The following CACNA1B variants were observed in gnomAD, a reference collection of about 807,000 sequenced individuals.
CACNA1B encodes voltage-dependent N-type calcium channel subunit alpha-1B.
CACNA1B carries 70 observed loss-of-function variants against 247.2 expected under a neutral mutation model. The observed-to-expected ratio is 0.28, with a 90% CI of 0.23 to 0.35. The LOEUF (loss-of-function observed/expected upper bound fraction) is 0.35. Ranked by LOEUF, CACNA1B falls within the 10% of genes least tolerant of loss-of-function variation. The pLI is 1.00. For synonymous variants in CACNA1B, 1,231 were observed against 1,294.4 expected, an observed-to-expected ratio of 0.95 and a Z score of 1.05; for missense variants, 2,367 against 3,197.4, an observed-to-expected ratio of 0.74 and a Z score of 6.26.
chr9:138,049,783 T>C (rs1260341281), intron 24 of CACNA1B, among the ~76,000 whole-genome samples: 1 of 152,038 alleles, frequency 6.6e-6, no homozygotes, highest in Non-Finnish European at 1.5e-5. Flanking sequence ...CCTTCCCCTT[T>C]TGGGGCATTA....
chr9:138,040,192 G>A (rs1959099952), intron 20 of CACNA1B, among the ~76,000 whole-genome samples: 1 of 152,058 alleles, frequency 6.6e-6, no homozygotes, highest in East Asian at 1.9e-4. Flanking sequence ...ACCTGCCTTG[G>A]CCTCCAAAGT....
In CACNA1B at chr9:137,983,281, C is replaced by T. The variant is rs76555764; in HGVS notation, c.1657-857C>T. Among the ~76,000 whole-genome samples, 601 of 152,266 alleles carry T rather than the reference C, an allele frequency of 3.9e-3. 2 individuals are homozygous for T. The highest frequency in any genetic ancestry group is 0.014 in the African/African-American group (569 of 41,558). On this transcript the variant is annotated intron_variant, in intron 12 of 46. Coordinates refer to ENST00000371372, the MANE Select transcript of CACNA1B (RefSeq NM_000718.4). ...CACACATGAAGAAGACATGGGCGCTCCTGCTGACTGTGAGCCCAGATTGTG... is the reference window on the plus strand; with the variant it reads ...CACACATGAAGAAGACATGGGCGCTTCTGCTGACTGTGAGCCCAGATTGTG...
At chr9:138,106,656 A>G (rs1331332425) in intron 39 of CACNA1B, among the ~76,000 whole-genome samples, 1 of 152,180 alleles carries the variant, frequency 6.6e-6, no homozygotes, top group Non-Finnish European at 1.5e-5. Context: ...CTGTATTCCT[A>G]GCTATTCAGG....
intron 36 of CACNA1B, among the ~76,000 whole-genome samples, 190 bp downstream of exon 36, chr9:138,078,448 G>A (rs976486642): frequency 3.3e-5 from 5 of 152,234 alleles, no homozygotes; most frequent in Non-Finnish European, 7.3e-5. Flanking sequence ...ATGGTAACGG[G>A]CTCCTGTGGG....
In CACNA1B at chr9:138,120,341, G is replaced by A. The variant is rs751922169; in HGVS notation, c.6207G>A (p.Lys2069=). ...ACAGGAAGCAGAGGTCCCTGGAGAAGGGGCCCAGCCTGTCTGCCGATATGG... is the reference window on the plus strand; with the variant it reads ...ACAGGAAGCAGAGGTCCCTGGAGAAAGGGCCCAGCCTGTCTGCCGATATGG... The part of the protein sequence containing the change: ...RRDRKQRSLE[K]GPSLSADMDG... Residue 2069 remains lysine (K), a synonymous_variant, in exon 45 of 47, where the codon AAG becomes AAA. Coordinates refer to ENST00000371372, the MANE Select transcript of CACNA1B (RefSeq NM_000718.4). 6.4e-6 allele frequency: 10 copies of A among 1,557,666 alleles called. No individual in the cohort carries two copies. Among genetic ancestry groups the A allele is most frequent in the Admixed American group, 5.6e-5 (3 of 53,312 alleles).
At chr9:137,979,223 C>T (rs1160597610) in intron 12 of CACNA1B, among the ~76,000 whole-genome samples, 1 of 152,164 alleles carries the variant, frequency 6.6e-6, no homozygotes, top group African/African-American at 2.4e-5. Flanking sequence ...GTATCTCTGG[C>T]GCAGGGTCCC....
intron 6 of CACNA1B, among the ~76,000 whole-genome samples, chr9:137,946,774 G>A (rs914732332): frequency 2.0e-5 from 3 of 152,170 alleles, no homozygotes; most frequent in Admixed American, 6.5e-5. Context: ...TGGAAAGAGA[G>A]ACAGAAAATG....
chr9:138,088,786 C>T (rs868043350), intron 36 of CACNA1B, among the ~76,000 whole-genome samples: 1 of 150,738 alleles, frequency 6.6e-6, no homozygotes. Context: ...AACCCCGTCT[C>T]TACTAAAATA....
rs1186258133 is a variant in CACNA1B, at chr9:138,100,983, C to G, written c.5223-1728C>G. The G allele has an allele frequency of 4.7e-6, 2 of 426,490 alleles. No homozygotes were observed. The highest frequency in any genetic ancestry group is 4.0e-5 in the African/African-American group (2 of 49,676). 26.4% of individuals were successfully genotyped at this position (426,490 alleles called of 1,614,324 possible). A position where few individuals can be genotyped will look rare whatever the true frequency, so the allele number is the denominator to read the frequency against. On this transcript the variant is annotated intron_variant, in intron 37 of 46. Transcript: ENST00000371372. This position sits in a 1 kb window ranked among gnomAD's most constrained non-coding sequence, Gnocchi z 4.6. ...CCGGCGAGGTGCCACCTGTCCAGTG[C>G]ACCCCTCACCTCCGCCGCCACGCCT...
In CACNA1B at chr9:138,120,796, G is replaced by T; in HGVS notation, c.6404G>T (p.Gly2135Val). Reference protein sequence around the residue: ...QRFYSCDRFGGREPPKPKPSL... With the variant: ...QRFYSCDRFGVREPPKPKPSL... ...TTCTACTCCTGCGACCGCTTTGGGG[G>T]CCGTGAGCCCCCGAAGCCCAAGCCC... Residue 2135 changes from glycine (G) to valine (V), a missense_variant, in exon 46 of 47, where the codon GGC (glycine) becomes GTC (valine). By Grantham distance (109) the Gly-to-Val change is moderately radical. This residue lies in a region of CACNA1B where 773 missense variants were observed against 779.4 expected (regional missense o/e 0.99). Transcript: ENST00000371372. 2 of 1,557,188 alleles carry T rather than the reference G, an allele frequency of 1.3e-6. No individual in the cohort carries two copies. Among genetic ancestry groups the T allele is most frequent in the Admixed American group, 2.0e-5 (1 of 51,122 alleles).
chr9:138,004,273 G>T (rs2133408933), intron 15 of CACNA1B, among the ~76,000 whole-genome samples: 1 of 152,224 alleles, frequency 6.6e-6, no homozygotes, highest in East Asian at 1.9e-4. Flanking sequence ...AGAGCCGGGT[G>T]CAGTGGCTCA....
In CACNA1B at chr9:137,975,990, C is replaced by T. The variant is rs200270869; in HGVS notation, c.1627C>T (p.Arg543Trp). ...TGGCCTGGGGCCCAGAAGCTACTTC[C>T]GGTCCTCCTTCAACTGCTTCGACTT... ...MYGLGPRSYFRSSFNCFDFGV... is the reference protein window; with the variant it reads ...MYGLGPRSYFWSSFNCFDFGV... The change falls in exon 12 of 47, where the codon CGG becomes TGG. Residue 543 changes from arginine to tryptophan, a missense_variant. Arg to Trp is a moderately radical substitution (Grantham distance 101). Around this residue, in one of 12 missense-constraint regions of CACNA1B, gnomAD observed 219 missense variants for 297.6 expected, o/e 0.74. Transcript: ENST00000371372. The T allele has an allele frequency of 1.1e-5, 18 of 1,612,098 alleles. No individual in the cohort carries two copies. In the South Asian group the frequency reaches 1.8e-4, roughly 16 times the overall value.
At chr9:137,910,002 C>G (rs1232901971) in intron 3 of CACNA1B, among the ~76,000 whole-genome samples, 1 of 152,084 alleles carries the variant, frequency 6.6e-6, no homozygotes, top group Admixed American at 6.5e-5. Flanking sequence ...AACTTCTGAC[C>G]TCAGGTGATC....
Position 138,120,538 on chromosome 9 carries a change from C to T in CACNA1B, c.6239-93C>T, listed in dbSNP as rs1962049768. 1.2e-5 allele frequency: 17 copies of T among 1,419,178 alleles called. No individual in the cohort carries two copies. In the South Asian group the frequency reaches 2.4e-4, roughly 20 times the overall value. The allele number at this position is 1,419,178 out of a possible 1,614,324, so 87.9% of individuals were successfully genotyped here. ...GCCCTAACCCTCACCCTAGCCTCCC[C>T]TGGCACCACCTGAATTCTGTCCTGC... On this transcript the variant is annotated intron_variant, in intron 45 of 46. Transcript: ENST00000371372.
intron 31 of CACNA1B, among the ~76,000 whole-genome samples, chr9:138,065,293 A>T (rs929753961): frequency 1.3e-5 from 2 of 151,972 alleles, no homozygotes; most frequent in Non-Finnish European, 2.9e-5. Context: ...CTCACTCAGC[A>T]GGACCACCGC....
At chr9:138,056,695 A>G (rs945452399) in intron 26 of CACNA1B, among the ~76,000 whole-genome samples, 2 of 152,210 alleles carry the variant, frequency 1.3e-5, no homozygotes, top group African/African-American at 4.8e-5. Context: ...CCAGCAATGC[A>G]TGAGGGTTCT....
At chr9:137,889,929 G>A (rs557946679) in intron 3 of CACNA1B, 1 of 147,734 alleles carries the variant, frequency 6.8e-6, no homozygotes, top group Non-Finnish European at 1.5e-5. Context: ...CTGGACTGGG[G>A]GGCAGAACTG....
rs1200976932 is a variant in CACNA1B, at chr9:138,014,255, CAT to C, written c.2267+1021_2267+1022del. ...GTGCACTTGAGAGTTGCACAGTGAG[CAT>C]GTGTGTGAGTGCATGTGCTGAGTGT... On this transcript the variant is annotated intron_variant, in intron 18 of 46. Transcript: ENST00000371372. This position sits in a 1 kb window ranked among gnomAD's most constrained non-coding sequence, Gnocchi z 6.2. Among the ~76,000 whole-genome samples the C allele has an allele frequency of 2.0e-5, 3 of 152,120 alleles. No homozygotes were observed. The highest frequency in any genetic ancestry group is 7.2e-5 in the African/African-American group (3 of 41,422).
At chr9:137,983,804 C>G (rs1958321174) in intron 12 of CACNA1B, among the ~76,000 whole-genome samples, 1 of 149,938 alleles carries the variant, frequency 6.7e-6, no homozygotes, top group Non-Finnish European at 1.5e-5. Context: ...TGGTCAAGCA[C>G]AGAGGAGGTA....
Sources: gnomAD v4.1 joint callset for allele counts (sites outside exome capture counted in the v4.1 genomes callset) on GRCh38, gnomAD v4.1.1 for gene constraint, gnomAD v4.1.1 regional missense constraint, Gnocchi (gnomAD v3.1) non-coding constraint, MANE v1.5 for transcripts, NCBI Gene and HGNC (gene_info 2026-07-23, HGNC 2026-07-21) for gene names.